SPAG17: variants seen among roughly 807,000 people sequenced by gnomAD.
The protein encoded by SPAG17 is sperm-associated antigen 17.
In SPAG17, 169 loss-of-function variants were observed where a neutral mutation model predicts 273.6. The observed-to-expected ratio is 0.62, with a 90% CI of 0.55 to 0.70. SPAG17 has a LOEUF of 0.70. Ranked by LOEUF, SPAG17 falls within the 30% of genes least tolerant of loss-of-function variation. The probability of loss-of-function intolerance (pLI) is 0.00; values close to 1 mark genes in which losing one functional copy is unlikely to be tolerated. For synonymous variants in SPAG17, 825 were observed against 873.2 expected (o/e 0.94, Z 0.97); for missense variants, 2,557 against 2,627.8 (o/e 0.97, Z 0.59).
At chr1:118,150,339 A>G in intron 3 of SPAG17, 1 of 370,260 alleles carries the variant, frequency 2.7e-6, no homozygotes, top group Middle Eastern at 7.7e-4. Context: ...AGGAAATTGT[A>G]TTTGTAAAGG....
In SPAG17 at chr1:118,066,887, C is replaced by A. The variant is rs768906298; in HGVS notation, c.2398G>T (p.Ala800Ser). The A allele has an allele frequency of 6.3e-7, 1 of 1,599,566 alleles. No individual in the cohort carries two copies. The highest frequency in any genetic ancestry group is 8.5e-7 in the Non-Finnish European group (1 of 1,176,164). ...TCAACACACCTATATTGCTTATGGG[C>A]TTCTTGAAGGACCTGAAAATCAAAA... ...PKVLLQVLQE[A>S]HKQYRCVDSY... Residue 800 changes from alanine to serine, a missense_variant, in exon 18 of 49, where the codon GCC becomes TCC. Ala to Ser is a moderately conservative substitution (Grantham distance 99). Transcript: ENST00000336338.
intron 3 of SPAG17, among the ~76,000 whole-genome samples, chr1:118,137,846 C>A (rs1658449668): frequency 6.6e-6 from 1 of 152,100 alleles, no homozygotes; most frequent in Non-Finnish European, 1.5e-5. Flanking sequence ...CCAGCCTATA[C>A]CCATGTTTAC....
chr1:117,975,837 C>G (rs1231812187), intron 43 of SPAG17, among the ~76,000 whole-genome samples: 1 of 152,170 alleles, frequency 6.6e-6, no homozygotes, highest in African/African-American at 2.4e-5. Context: ...CGTATGTGTA[C>G]TACGGCTTTG....
chr1:118,018,689 C>T (rs532303856), intron 28 of SPAG17, among the ~76,000 whole-genome samples: 9 of 151,116 alleles, frequency 6.0e-5, no homozygotes, highest in Non-Finnish European at 1.0e-4. Context: ...AAAAAAATTG[C>T]TGAGCATGGT....
intron 17 of SPAG17, among the ~76,000 whole-genome samples, chr1:118,070,432 A>C (rs1653458931): frequency 1.3e-5 from 2 of 152,198 alleles, no homozygotes. Flanking sequence ...AATTCTGAGC[A>C]ACTGGGCTAT....
At chr1:118,028,444 CTAT>C (rs761525117) in intron 25 of SPAG17, 50 bp from the exon 26 acceptor site, 2 of 1,602,216 alleles carry the variant, frequency 1.2e-6, no homozygotes, top group South Asian at 2.3e-5. Context: ...TCTTAATGAG[CTAT>C]TATTTATTTT....
In SPAG17 at chr1:118,081,114, T is replaced by C. The variant is rs544922890; in HGVS notation, c.2196A>G (p.Gln732=). 2 of 1,612,464 alleles carry C rather than the reference T, an allele frequency of 1.2e-6. No homozygotes were observed. Among genetic ancestry groups the C allele is most frequent in the South Asian group, 1.1e-5 (1 of 91,042 alleles). ...EQESIMKAQP[Q]HESLEQTTNN... ...ACTTTAACTTACCCAGAGACTCATG[T>C]TGGGGCTGAGCCTTCATGATGCTCT... is the stretch of plus-strand genomic sequence containing the variant. The change falls in exon 15 of 49, where the codon CAA becomes CAG. Residue 732 remains glutamine, a synonymous_variant. Transcript: ENST00000336338.
intron 35 of SPAG17, among the ~76,000 whole-genome samples, chr1:117,994,032 G>T (rs1657392492): frequency 6.6e-6 from 1 of 152,100 alleles, no homozygotes; most frequent in South Asian, 2.1e-4. Flanking sequence ...GCACAAAATT[G>T]TGTGTTAAAA....
rs12120650 is a variant in SPAG17, at chr1:118,048,678, A to C, written c.2814+5324T>G. ...TTTGGGAGGCCAAGGTGGGCAGATC[A>C]CAAGGTCAGGAGTTCGAGACCAGCC... On this transcript the variant is annotated intron_variant, in intron 20 of 48. Coordinates refer to ENST00000336338, the MANE Select transcript of SPAG17 (RefSeq NM_206996.4). Among the ~76,000 whole-genome samples the C allele has an allele frequency of 3.6e-3, 550 of 152,270 alleles. 2 individuals are homozygous for C. The highest frequency in any genetic ancestry group is 0.017 in the Middle Eastern group (5 of 294).
intron 3 of SPAG17, among the ~76,000 whole-genome samples, chr1:118,130,767 TA>T (rs1658014072): frequency 6.6e-6 from 1 of 152,188 alleles, no homozygotes; most frequent in Non-Finnish European, 1.5e-5. Context: ...CAGGATCCAA[TA>T]ACCTAATGAT....
chr1:118,149,539 A>G (rs1363761795), intron 3 of SPAG17, among the ~76,000 whole-genome samples: 5 of 152,220 alleles, frequency 3.3e-5, no homozygotes, highest in Non-Finnish European at 7.3e-5. Flanking sequence ...AAAGTATATT[A>G]TTTGACTGCA....
intron 3 of SPAG17, among the ~76,000 whole-genome samples, chr1:118,127,981 G>A (rs1657832863): frequency 2.0e-5 from 3 of 152,074 alleles, no homozygotes; most frequent in African/African-American, 7.2e-5. Context: ...AATTAGCTGG[G>A]CATGGTGGCG....
intron 3 of SPAG17, among the ~76,000 whole-genome samples, chr1:118,134,235 T>A (rs1481022586): frequency 1.3e-5 from 2 of 152,160 alleles, no homozygotes; most frequent in Non-Finnish European, 2.9e-5. Context: ...GTTAAATAAA[T>A]TAGTGAATAG....
intron 3 of SPAG17, among the ~76,000 whole-genome samples, chr1:118,122,337 T>C (rs952820434): frequency 2.0e-5 from 3 of 152,192 alleles, no homozygotes; most frequent in Non-Finnish European, 4.4e-5. Context: ...GAACTTTAGC[T>C]CCTTTGGTAC....
intron 25 of SPAG17, among the ~76,000 whole-genome samples, chr1:118,029,810 T>C (rs1648212323): frequency 6.6e-6 from 1 of 152,216 alleles, no homozygotes; most frequent in African/African-American, 2.4e-5. Flanking sequence ...TTTTTCTAAC[T>C]AGTCGTCTAT....
intron 1 of SPAG17, among the ~76,000 whole-genome samples, chr1:118,179,521 A>G (rs1660845820): frequency 6.6e-6 from 1 of 152,066 alleles, no homozygotes; most frequent in Admixed American, 6.5e-5. Flanking sequence ...GTTTCAGGAC[A>G]TTGGTCTAGG....
intron 48 of SPAG17, among the ~76,000 whole-genome samples, chr1:117,958,121 CAA>C (rs1164965326): frequency 6.6e-6 from 1 of 152,144 alleles, no homozygotes; most frequent in Non-Finnish European, 1.5e-5. Flanking sequence ...GTTATGAAGA[CAA>C]AAACTGGTCA....
rs72374195 is a variant in SPAG17 at position 118,089,332 on chromosome 1, C to CGTGTGTGTGTGTGT, written c.1359+2260_1359+2273dup. Among the ~76,000 whole-genome samples the CGTGTGTGTGTGTGT allele has an allele frequency of 3.2e-3, 436 of 135,940 alleles. 3 individuals carry two copies. Among genetic ancestry groups the CGTGTGTGTGTGTGT allele is most frequent in the African/African-American group, 8.7e-3 (319 of 36,596 alleles). The allele number at this position is 135,940 out of a possible 152,430, so 89.2% of individuals were successfully genotyped here. On this transcript the variant is annotated intron_variant, in intron 10 of 48. Transcript: ENST00000336338. ...AAAACCAGAAGGCCTATGTAGATGA[C>CGTGTGTGTGTGTGT]GTGTGTGTGTGTGTGTGTGTGTGGT...
intron 15 of SPAG17, among the ~76,000 whole-genome samples, chr1:118,075,853 C>G (rs1204189776): frequency 6.6e-6 from 1 of 152,088 alleles, no homozygotes; most frequent in African/African-American, 2.4e-5. Context: ...TTTTCAGACC[C>G]TGACTTCATT....
Sources: allele counts gnomAD v4.1 joint callset (sites outside exome capture counted in the v4.1 genomes callset), GRCh38; gene constraint gnomAD v4.1.1; transcripts MANE v1.5; gene names NCBI Gene and HGNC (gene_info 2026-07-23, HGNC 2026-07-21).